The following KRIT1 variants were observed in gnomAD, a reference collection of about 807,000 sequenced individuals.
The protein encoded by KRIT1 is KRIT1 ankyrin repeat containing.
In KRIT1, 45 loss-of-function variants were observed where a neutral mutation model predicts 95.8. The observed-to-expected ratio is 0.47, with a 90% CI of 0.37 to 0.60. KRIT1 has a LOEUF of 0.60. Ranked by LOEUF, KRIT1 falls within the 20% of genes least tolerant of loss-of-function variation. The pLI is 0.00. For synonymous variants in KRIT1, 282 were observed against 278.8 expected (o/e 1.01, Z -0.11); for missense variants, 788 against 877.5 (o/e 0.90, Z 1.29).
intron 10 of KRIT1, among the ~76,000 whole-genome samples, chr7:92,228,656 T>C (rs887267325): frequency 6.6e-6 from 1 of 152,158 alleles, no homozygotes; most frequent in East Asian, 1.9e-4. Flanking sequence ...ATTCTTGTCA[T>C]GGGGGTGTGT....
intron 14 of KRIT1, among the ~76,000 whole-genome samples, chr7:92,220,583 T>C (rs900448782): frequency 6.6e-6 from 1 of 152,178 alleles, no homozygotes; most frequent in East Asian, 1.9e-4. Context: ...ATGTATTCTA[T>C]TTTTTTCTTC....
intron 18 of KRIT1, among the ~76,000 whole-genome samples, 183 bp downstream of exon 18, chr7:92,201,124 A>C (rs565276967): frequency 5.9e-5 from 9 of 152,228 alleles, no homozygotes; most frequent in Non-Finnish European, 1.2e-4. Context: ...GAAATAAACT[A>C]TTCAGGTAAG....
In KRIT1 at chr7:92,221,126, C is replaced by T. The variant is rs547310693; in HGVS notation, c.1563+776G>A. Among the ~76,000 whole-genome samples, 5 of 152,166 alleles carry T rather than the reference C, an allele frequency of 3.3e-5. No homozygotes were observed. In the South Asian group the frequency reaches 1.0e-3, roughly 32 times the overall value. On this transcript the variant is annotated intron_variant, in intron 14 of 18. Coordinates refer to ENST00000394505, the MANE Select transcript of KRIT1 (RefSeq NM_194454.3). ...CTCATTTTTTACTATGTATAGAGTTCTCTGTTTGAGTTAAGATGAGCTACT... is the reference window on the plus strand; with the variant it reads ...CTCATTTTTTACTATGTATAGAGTTTTCTGTTTGAGTTAAGATGAGCTACT...
intron 3 of KRIT1, 143 bp downstream of exon 3, chr7:92,243,859 T>C (rs1248843252): frequency 6.6e-6 from 1 of 152,156 alleles, no homozygotes; most frequent in Non-Finnish European, 1.5e-5. Context: ...GATATTTCAC[T>C]AGAAAAAAAT....
At chr7:92,222,443 T>A (rs574175183) in intron 13 of KRIT1, among the ~76,000 whole-genome samples, 9 of 152,236 alleles carry the variant, frequency 5.9e-5, no homozygotes, top group Admixed American at 5.2e-4. Flanking sequence ...ATTAGGTTGA[T>A]TTTAAATAAA....
chr7:92,242,887 C>T (rs1159871939), intron 3 of KRIT1, among the ~76,000 whole-genome samples: 1 of 152,188 alleles, frequency 6.6e-6, no homozygotes, highest in African/African-American at 2.4e-5. Context: ...AATCTCGCCT[C>T]AATGCAACCC....
chr7:92,222,970 T>C lies in KRIT1; in HGVS notation c.1263A>G (p.Lys421=). The C allele has an allele frequency of 6.2e-7, 1 of 1,605,306 alleles. No individual in the cohort carries two copies. The highest frequency in any genetic ancestry group is 8.5e-7 in the Non-Finnish European group (1 of 1,172,662). The change falls in exon 13 of 19, where the codon AAA becomes AAG. Residue 421 remains lysine, a synonymous_variant. Transcript: ENST00000394505. ...LKEAINKPYE[K]VRIYRMDGSY... ...ACCCATCCATTCTGTATATTCGAAC[T>C]TTTTCATACTACAAGAAACGATAAC...
chr7:92,231,612 T>C (rs1290574304), intron 10 of KRIT1, among the ~76,000 whole-genome samples: 3 of 152,198 alleles, frequency 2.0e-5, no homozygotes, highest in African/African-American at 7.2e-5. Flanking sequence ...AAGAGCCCAG[T>C]GTCCCCTCCT....
chr7:92,221,541 TTC>T (rs1478414764), intron 14 of KRIT1, among the ~76,000 whole-genome samples: 1 of 152,202 alleles, frequency 6.6e-6, no homozygotes, highest in Non-Finnish European at 1.5e-5. Context: ...ACACCAGTGT[TTC>T]TCTTTCTTCC....
chr7:92,216,700 T>C (rs1314024933), intron 14 of KRIT1, among the ~76,000 whole-genome samples: 2 of 152,218 alleles, frequency 1.3e-5, no homozygotes, highest in Non-Finnish European at 2.9e-5. Flanking sequence ...CAACTTGTGA[T>C]CTAATGAATG....
At chr7:92,222,101 A>G (rs1427020625) in intron 13 of KRIT1, 48 bp from the exon 14 acceptor site, 5 of 1,376,224 alleles carry the variant, frequency 3.6e-6, no homozygotes, top group Middle Eastern at 1.8e-4. Flanking sequence ...AAAGTCAATT[A>G]TATCAATGCA....
At chr7:92,245,961 T>C, upstream of KRIT1, 1 of 241,812 alleles carries the variant, frequency 4.1e-6, no homozygotes, top group Non-Finnish European at 8.1e-6. Flanking sequence ...CGGTTGGCGG[T>C]GAAAGAGCTT....
At chr7:92,225,929 T>C (rs1329126461) in intron 11 of KRIT1, 102 bp from the exon 12 acceptor site, 3 of 709,076 alleles carry the variant, frequency 4.2e-6, no homozygotes, top group Admixed American at 2.2e-5. Flanking sequence ...AAAGAGACTC[T>C]TGTCAAGTAC....
chr7:92,244,403 CT>C (rs1800390667), intron 2 of KRIT1, among the ~76,000 whole-genome samples: 1 of 152,206 alleles, frequency 6.6e-6, no homozygotes, highest in South Asian at 2.1e-4. Flanking sequence ...GAAGCCTGAA[CT>C]TTTAAAAGGT....
chr7:92,230,858 A>C (rs1797133304), intron 10 of KRIT1, among the ~76,000 whole-genome samples: 1 of 152,186 alleles, frequency 6.6e-6, no homozygotes. Context: ...GGATTATGAA[A>C]GTAGAAAAAG....
At chr7:92,239,319 T>C (rs1799084660) in intron 5 of KRIT1, among the ~76,000 whole-genome samples, 1 of 152,218 alleles carries the variant, frequency 6.6e-6, no homozygotes, top group South Asian at 2.1e-4. Context: ...GTGGCTGAGC[T>C]TATTTAATTC....
At chr7:92,233,951 AGT>A (rs1285618555) in intron 10 of KRIT1, among the ~76,000 whole-genome samples, 1 of 152,198 alleles carries the variant, frequency 6.6e-6, no homozygotes, top group Non-Finnish European at 1.5e-5. Context: ...TCCCAACACT[AGT>A]ATCTAACATA....
chr7:92,213,328 T>C lies in KRIT1; in HGVS notation c.1892A>G (p.Glu631Gly). 6.2e-7 allele frequency: 1 copy of C among 1,613,608 alleles called. No individual in the cohort carries two copies. The highest frequency in any genetic ancestry group is 8.5e-7 in the Non-Finnish European group (1 of 1,179,584). ...LQRMFLQNCW[E>G]IPTYGAAFFT... Reference sequence around the variant, plus strand: ...AAATGCTGCTCCATAAGTAGGAATTTCCCAGCAATTCTGTAAGAACATGCG... The same window carrying C: ...AAATGCTGCTCCATAAGTAGGAATTCCCCAGCAATTCTGTAAGAACATGCG... The change falls in exon 17 of 19, where the codon GAA becomes GGA. Residue 631 changes from glutamate (E) to glycine (G), a missense_variant. Coordinates refer to ENST00000394505, the MANE Select transcript of KRIT1 (RefSeq NM_194454.3).
At chr7:92,234,700 T>C in intron 9 of KRIT1, 108 bp from the exon 10 acceptor site, 1 of 1,133,086 alleles carries the variant, frequency 8.8e-7, no homozygotes, top group Non-Finnish European at 1.3e-6. Context: ...AGCTGTAAAC[T>C]CAATAGTGAC....
Sources: gnomAD v4.1 joint callset for allele counts (sites outside exome capture counted in the v4.1 genomes callset) on GRCh38, gnomAD v4.1.1 for gene constraint, MANE v1.5 for transcripts, NCBI Gene and HGNC (gene_info 2026-07-23, HGNC 2026-07-21) for gene names.